ZBTB20: variants seen among roughly 807,000 people sequenced by gnomAD.
ZBTB20 encodes the protein zinc finger and BTB domain containing 20, also known as zinc finger and BTB domain-containing protein 20.
In ZBTB20, 9 loss-of-function variants were observed where a neutral mutation model predicts 56.9. That is an observed-to-expected ratio of 0.16 (90% CI 0.10 to 0.28). The LOEUF is 0.28. Among genes scored for constraint, ZBTB20 ranks in the 10% least tolerant of loss-of-function variants. ZBTB20 has a pLI of 1.00. For synonymous variants in ZBTB20, 417 were observed against 420.7 expected, an observed-to-expected ratio of 0.99 and a Z score of 0.11; for missense variants, 655 against 1,003.0, an observed-to-expected ratio of 0.65 and a Z score of 4.69.
At chr3:114,722,822 T>C (rs1255018261) in intron 5 of ZBTB20, among the ~76,000 whole-genome samples, 3 of 152,236 alleles carry the variant, frequency 2.0e-5, no homozygotes, top group Non-Finnish European at 4.4e-5. Flanking sequence ...CATCATTTTA[T>C]TTCTTCCAAT....
At chr3:114,905,998 T>C (rs1404686566) in intron 3 of ZBTB20, among the ~76,000 whole-genome samples, 2 of 151,862 alleles carry the variant, frequency 1.3e-5, no homozygotes, top group African/African-American at 2.4e-5. Flanking sequence ...TTTTATTCTT[T>C]TGTGGCATAT....
chr3:114,460,913 A>AT (rs1373001972), intron 7 of ZBTB20, among the ~76,000 whole-genome samples: 1 of 152,242 alleles, frequency 6.6e-6, no homozygotes, highest in African/African-American at 2.4e-5. Context: ...ATTGACTAGG[A>AT]TAAGTCAAGG....
At chr3:114,683,324 G>T (rs2062099852) in intron 6 of ZBTB20, among the ~76,000 whole-genome samples, 2 of 152,110 alleles carry the variant, frequency 1.3e-5, no homozygotes, top group South Asian at 4.1e-4. Flanking sequence ...ATTGTCATTT[G>T]TGTTGTGGAG....
chr3:114,768,799 G>A (rs919938283), intron 5 of ZBTB20, among the ~76,000 whole-genome samples: 1 of 152,106 alleles, frequency 6.6e-6, no homozygotes, highest in African/African-American at 2.4e-5. Flanking sequence ...GGCTACAAAC[G>A]ATTAAATGAC....
intron 4 of ZBTB20, among the ~76,000 whole-genome samples, chr3:114,875,986 C>T (rs573588769): frequency 6.6e-6 from 1 of 152,022 alleles, no homozygotes; most frequent in Non-Finnish European, 1.5e-5. Flanking sequence ...GTAACCCCAG[C>T]ACTTTGGGAG....
chr3:114,729,520 T>C (rs924527793), intron 5 of ZBTB20, among the ~76,000 whole-genome samples: 2 of 152,208 alleles, frequency 1.3e-5, no homozygotes, highest in Non-Finnish European at 2.9e-5. Context: ...CCTCTACTTT[T>C]ATACATATAT....
chr3:114,367,725 G>A (rs72948702), intron 10 of ZBTB20, among the ~76,000 whole-genome samples: 1,987 of 152,180 alleles, frequency 0.013, 42 homozygotes, highest in African/African-American at 0.046. Flanking sequence ...TTCCTTATCT[G>A]TAAATGGGGT....
intron 5 of ZBTB20, among the ~76,000 whole-genome samples, chr3:114,797,835 A>T (rs2071427734): frequency 6.6e-6 from 1 of 151,914 alleles, no homozygotes; most frequent in Non-Finnish European, 1.5e-5. Flanking sequence ...ACTTAAGGCC[A>T]CTAACTTTCA....
chr3:115,045,099 G>A (rs2081286157), intron 2 of ZBTB20, among the ~76,000 whole-genome samples: 1 of 152,168 alleles, frequency 6.6e-6, no homozygotes, highest in African/African-American at 2.4e-5. Context: ...ATAGATGTTA[G>A]CCTTAATGAA....
At chr3:114,792,802 T>C (rs2071058594) in intron 5 of ZBTB20, among the ~76,000 whole-genome samples, 1 of 152,158 alleles carries the variant, frequency 6.6e-6, no homozygotes. Flanking sequence ...AATGTATTCC[T>C]CACTGGTCTT....
intron 6 of ZBTB20, among the ~76,000 whole-genome samples, chr3:114,537,573 C>T (rs755234220): frequency 1.6e-4 from 24 of 152,022 alleles, no homozygotes; most frequent in African/African-American, 5.6e-4. Context: ...TGGAAGACAG[C>T]GTGGCAATTC....
intron 6 of ZBTB20, among the ~76,000 whole-genome samples, chr3:114,556,679 C>T (rs374529563): frequency 1.3e-5 from 2 of 152,026 alleles, no homozygotes; most frequent in Non-Finnish European, 1.5e-5. Flanking sequence ...CTGTTCCCCT[C>T]GCAGATGAGT....
At chr3:114,843,691 T>C (rs2074502369) in intron 4 of ZBTB20, among the ~76,000 whole-genome samples, 1 of 152,020 alleles carries the variant, frequency 6.6e-6, no homozygotes, top group African/African-American at 2.4e-5. Flanking sequence ...ATATATTTTT[T>C]TTTGAGACGG....
rs966819168 is a variant in ZBTB20, at chr3:114,772,256, G to T, written c.-343+28845C>A. On this transcript the variant is annotated intron_variant, in intron 5 of 11. Coordinates refer to ENST00000675478, the MANE Select transcript of ZBTB20 (RefSeq NM_001348800.3). ...CCTGGGAGGCTGAGGCAGGAGAATC[G>T]CTTGAACCTGGGAGATGGAGGTGCA... Among the ~76,000 whole-genome samples, 24 of 152,230 alleles carry T rather than the reference G, an allele frequency of 1.6e-4. 1 individual carries two copies. Among genetic ancestry groups the T allele is most frequent in the African/African-American group, 5.1e-4 (21 of 41,540 alleles).
chr3:114,705,726 G>A (rs1358428611), intron 5 of ZBTB20, among the ~76,000 whole-genome samples: 1 of 152,150 alleles, frequency 6.6e-6, no homozygotes, highest in Middle Eastern at 3.2e-3. Context: ...TCTTCAGATA[G>A]TAACCAGTTG....
In ZBTB20 at chr3:114,359,778, T is replaced by C. The variant is rs75376038; in HGVS notation, c.200-7900A>G. Reference sequence around the variant, plus strand: ...TAGACCTTAAAGAAGGATCTGTATATTCAATTGTACAGTTAATAAGTTAGG... The same window carrying C: ...TAGACCTTAAAGAAGGATCTGTATACTCAATTGTACAGTTAATAAGTTAGG... On this transcript the variant is annotated intron_variant, in intron 10 of 11. Transcript: ENST00000675478. 8.8e-4 allele frequency among the ~76,000 whole-genome samples: 134 copies of C among 152,330 alleles called. 1 individual carries two copies. The East Asian group carries it at 0.025, about 29-fold the overall frequency.
intron 6 of ZBTB20, among the ~76,000 whole-genome samples, chr3:114,671,116 C>T (rs747367322): frequency 3.9e-5 from 6 of 152,066 alleles, no homozygotes; most frequent in South Asian, 4.1e-4. Flanking sequence ...TGTAAGTAGG[C>T]GTGCATTATT....
At chr3:114,478,607 C>T (rs766606931) in intron 7 of ZBTB20, among the ~76,000 whole-genome samples, 1 of 152,124 alleles carries the variant, frequency 6.6e-6, no homozygotes, top group African/African-American at 2.4e-5. Flanking sequence ...ATCAAACACA[C>T]AAACACATAT....
chr3:114,809,514 C>G, intron 4 of ZBTB20, among the ~76,000 whole-genome samples: 1 of 151,706 alleles, frequency 6.6e-6, no homozygotes, highest in East Asian at 1.9e-4. Flanking sequence ...ATTTTTGTTC[C>G]TTTTAAAATA....
Sources: gnomAD v4.1 joint callset for allele counts (sites outside exome capture counted in the v4.1 genomes callset) on GRCh38, gnomAD v4.1.1 for gene constraint, MANE v1.5 for transcripts, NCBI Gene and HGNC (gene_info 2026-07-23, HGNC 2026-07-21) for gene names.